Variants in TMLHE observed in about 807,000 individuals in gnomAD.
TMLHE encodes the protein trimethyllysine hydroxylase, epsilon.
TMLHE carries 18 observed loss-of-function variants against 25.7 expected under a neutral mutation model. The ratio of observed to expected loss-of-function variants is 0.70; its 90% confidence interval spans 0.48 to 1.04. TMLHE has a LOEUF of 1.04. TMLHE is among the 50% of genes least tolerant of loss of function. TMLHE has a pLI of 0.00. For synonymous variants in TMLHE, 105 were observed against 97.0 expected (o/e 1.08, Z -0.49); for missense variants, 236 against 259.0 (o/e 0.91, Z 0.61).
chrX:155,610,325 T>C (rs1266582715), intron 1 of TMLHE, among the ~76,000 whole-genome samples: 2 of 112,409 alleles, frequency 1.8e-5, no homozygotes, highest in Non-Finnish European at 3.8e-5. Context: ...GGTTGTCTGA[T>C]GCTGGGAGTA....
At chrX:155,547,625 A>G (rs1056887088) in intron 1 of TMLHE, among the ~76,000 whole-genome samples, 2 of 110,588 alleles carry the variant, frequency 1.8e-5, no homozygotes, top group African/African-American at 3.3e-5. Context: ...GAAGTTAACC[A>G]TGCCTGAGGA....
intron 3 of TMLHE, among the ~76,000 whole-genome samples, chrX:155,521,741 C>T (rs1279964901): frequency 1.3e-4 from 6 of 45,508 alleles, no homozygotes; most frequent in African/African-American, 5.1e-4. Context: ...GTTTCTTAAG[C>T]CGGTCTGAAA....
At chrX:155,537,557 C>A (rs2124396543) in intron 2 of TMLHE, among the ~76,000 whole-genome samples, 1 of 111,063 alleles carries the variant, frequency 9.0e-6, no homozygotes, top group South Asian at 3.9e-4. Context: ...ATCCTTCAAC[C>A]CCATAAAGAG....
chrX:155,512,870 T>C (rs1166408731), intron 4 of TMLHE, among the ~76,000 whole-genome samples: 3 of 111,839 alleles, frequency 2.7e-5, no homozygotes, highest in East Asian at 5.6e-4. Flanking sequence ...GAAGTATACA[T>C]CATATATTTT....
chrX:155,548,539 G>GGAGATCGAGACCAT (rs2067379631), intron 1 of TMLHE, among the ~76,000 whole-genome samples: 1 of 107,093 alleles, frequency 9.3e-6, no homozygotes, highest in Non-Finnish European at 1.9e-5. Context: ...TATGAGGCCA[G>GGAGATCGAGACCAT]CCTGACTAAC....
intron 1 of TMLHE, among the ~76,000 whole-genome samples, chrX:155,568,158 G>T (rs1557342339): frequency 1.6e-5 from 1 of 61,329 alleles, no homozygotes; most frequent in African/African-American, 3.6e-5. Context: ...CCGACAGGCT[G>T]AAAAAACGGC....
intron 5 of TMLHE, among the ~76,000 whole-genome samples, chrX:155,511,146 G>A (rs2067109641): frequency 9.0e-6 from 1 of 111,664 alleles, no homozygotes; most frequent in Non-Finnish European, 1.9e-5. Flanking sequence ...CTCCAGTGCT[G>A]GAGGTAGGGC....
Position 155,563,935 on chromosome X carries a change from T to C in TMLHE, c.-1-18658A>G, listed in dbSNP as rs1338843840. Among the ~76,000 whole-genome samples the C allele has an allele frequency of 9.7e-5, 6 of 62,067 alleles. 2 individuals carry two copies. Among genetic ancestry groups the C allele is most frequent in the Non-Finnish European group, 2.7e-4 (6 of 22,134 alleles). 53.9% of individuals were successfully genotyped at this position (62,067 alleles called of 115,157 possible). A position where few individuals can be genotyped will look rare whatever the true frequency, so the allele number is the denominator to read the frequency against. ...TGGTTGCCTTATTACAAGAAAATGT[T>C]CCAATGAGAGCAGGGTCTATGCCAT... On this transcript the variant is annotated intron_variant, in intron 1 of 7. Transcript: ENST00000334398.
chrX:155,522,165 A>AT (rs1202625667), intron 3 of TMLHE, among the ~76,000 whole-genome samples: 4 of 111,860 alleles, frequency 3.6e-5, no homozygotes, highest in African/African-American at 9.7e-5. Context: ...TTTCTATGGC[A>AT]TTTTTTTTCT....
In TMLHE at chrX:155,570,109, C is replaced by G. The variant is rs782629215; in HGVS notation, c.-1-24832G>C. Among the ~76,000 whole-genome samples the G allele has an allele frequency of 7.3e-4, 41 of 55,976 alleles. 6 individuals carry two copies. Among genetic ancestry groups the G allele is most frequent in the African/African-American group, 1.6e-3 (37 of 23,212 alleles). 48.6% of individuals were successfully genotyped at this position (55,976 alleles called of 115,157 possible). The stretch of plus-strand genomic sequence containing the variant: ...GAAACCCATCTCACGTGCAGAGACA[C>G]ACATAGGCTCAAAATAAAAGGACGG... On this transcript the variant is annotated intron_variant, in intron 1 of 7. Coordinates refer to ENST00000334398, the MANE Select transcript of TMLHE (RefSeq NM_018196.4).
intron 1 of TMLHE, among the ~76,000 whole-genome samples, chrX:155,610,880 C>T (rs2067815332): frequency 9.1e-6 from 1 of 109,897 alleles, no homozygotes; most frequent in Non-Finnish European, 1.9e-5. Context: ...AACTGGCTGT[C>T]CTGTGCTGCC....
In TMLHE at chrX:155,583,321, T is replaced by TA. The variant is rs1287932506; in HGVS notation, c.-2+29470dup. Among the ~76,000 whole-genome samples the TA allele has an allele frequency of 1.9e-3, 204 of 107,605 alleles. 1 individual carries two copies. The highest frequency in any genetic ancestry group is 2.3e-3 in the Non-Finnish European group (118 of 51,630). 93.4% of individuals were successfully genotyped at this position (107,605 alleles called of 115,157 possible). A position where few individuals can be genotyped will look rare whatever the true frequency, so the allele number is the denominator to read the frequency against. On this transcript the variant is annotated intron_variant, in intron 1 of 7. Transcript: ENST00000334398. ...ATGTACCCTAGAACTTAAAGTATAA[T>TA]AAAAAAAAAGAAAAGAAGAAAGACC...
chrX:155,546,529 C>T (rs781954385), intron 1 of TMLHE, among the ~76,000 whole-genome samples: 30 of 110,450 alleles, frequency 2.7e-4, no homozygotes, highest in Non-Finnish European at 4.2e-4. Context: ...TGTGTGTGCG[C>T]GCATGCGTAT....
intron 1 of TMLHE, among the ~76,000 whole-genome samples, chrX:155,573,251 A>G (rs1184986504): frequency 3.4e-5 from 2 of 58,469 alleles, no homozygotes; most frequent in African/African-American, 8.1e-5. Context: ...ATCACTAGCC[A>G]TCAGAGAAAT....
intron 5 of TMLHE, among the ~76,000 whole-genome samples, chrX:155,509,571 T>G (rs1250239892): frequency 8.9e-6 from 1 of 111,772 alleles, no homozygotes; most frequent in Admixed American, 9.5e-5. Flanking sequence ...TACAGCTGCT[T>G]CTTATCTCAT....
At position 155,545,192 on chromosome X, in the gene TMLHE, G is replaced by C. The variant is rs782385694; in HGVS notation, c.85C>G (p.Pro29Ala). The change falls in exon 2 of 8, where the codon CCC (proline) becomes GCC (alanine). Residue 29 changes from proline (P) to alanine (A), a missense_variant. By Grantham distance (27) the Pro-to-Ala change is conservative (BLOSUM62 -1). Around this residue, in one of 2 missense-constraint regions of TMLHE, gnomAD observed 217 missense variants for 214.6 expected, o/e 1.01. Transcript: ENST00000334398. ...GGVIYPALPQ[P>A]NFKSLLPLAV... The stretch of plus-strand genomic sequence containing the variant: ...AAAGGAAGTAAGCTTTTGAAGTTGG[G>C]CTGTGGAAGGGCCGGATATATGACT... The C allele has an allele frequency of 5.8e-6, 7 of 1,208,615 alleles. No individual in the cohort carries two copies. Among genetic ancestry groups the C allele is most frequent in the South Asian group, 3.5e-5 (2 of 56,689 alleles).
chrX:155,611,122 C>T (rs1360366092), intron 1 of TMLHE, among the ~76,000 whole-genome samples: 18 of 111,677 alleles, frequency 1.6e-4, no homozygotes, highest in Non-Finnish European at 3.4e-4. Flanking sequence ...GTATTTTCCT[C>T]ATCCAGAAGA....
At chrX:155,598,446 G>A (rs1273483527) in intron 1 of TMLHE, among the ~76,000 whole-genome samples, 2 of 106,143 alleles carry the variant, frequency 1.9e-5, no homozygotes, top group African/African-American at 3.4e-5. Flanking sequence ...GCAAACTATC[G>A]CAAGGACAAA....
chrX:155,550,368 G>T (rs1557339864), intron 1 of TMLHE, among the ~76,000 whole-genome samples: 2 of 110,768 alleles, frequency 1.8e-5, no homozygotes, highest in Non-Finnish European at 3.8e-5. Flanking sequence ...GTGAAAATAA[G>T]TTCTTTCTAT....
Sources: allele counts gnomAD v4.1 joint callset (sites outside exome capture counted in the v4.1 genomes callset), GRCh38; gene constraint gnomAD v4.1.1; regional missense constraint gnomAD v4.1.1; transcripts MANE v1.5; gene names NCBI Gene and HGNC (gene_info 2026-07-23, HGNC 2026-07-21).